SRSF7: variants seen among roughly 807,000 people sequenced by gnomAD.
SRSF7 encodes serine/arginine-rich splicing factor 7.
In SRSF7, 15 loss-of-function variants were observed where a neutral mutation model predicts 42.2. The ratio of observed to expected loss-of-function variants is 0.36; its 90% CI spans 0.24 to 0.55. SRSF7 has a LOEUF of 0.55. Ranked by LOEUF, SRSF7 falls within the 20% of genes least tolerant of loss-of-function variation. The probability of loss-of-function intolerance (pLI) is 0.88; values close to 1 mark genes in which losing one functional copy is unlikely to be tolerated. For synonymous variants in SRSF7, 138 were observed against 107.9 expected (o/e 1.28, Z -1.73); for missense variants, 181 against 305.9 (o/e 0.59, Z 3.04).
Position 38,744,801 on chromosome 2 carries a change from T to A in SRSF7, c.*332A>T. ...TTAACCAACACCTTTCAATTCTGAA[T>A]GTAGGTATGTATGAATAAGGTTAAC... On this transcript the variant is annotated 3_prime_UTR_variant, in exon 8 of 8. Coordinates refer to ENST00000313117, the MANE Select transcript of SRSF7 (RefSeq NM_001031684.3). The A allele has an allele frequency of 4.3e-6, 1 of 230,570 alleles. No individual in the cohort carries two copies. The highest frequency in any genetic ancestry group is 8.5e-6 in the Non-Finnish European group (1 of 118,224). The allele number at this position is 230,570 out of a possible 1,614,324, so 14.3% of individuals were successfully genotyped here.
chr2:38,748,699 G>GT, intron 3 of SRSF7, 46 bp from the exon 4 acceptor site: 1 of 1,562,464 alleles, frequency 6.4e-7, no homozygotes, highest in Non-Finnish European at 8.8e-7. Flanking sequence ...ACAATAACTC[G>GT]TTTTTAAGAG....
In SRSF7 at chr2:38,744,428, G is replaced by A; in HGVS notation, c.*705C>T. The A allele has an allele frequency of 6.6e-6, 1 of 152,488 alleles. No individual in the cohort carries two copies. Among genetic ancestry groups the A allele is most frequent in the African/African-American group, 2.4e-5 (1 of 41,398 alleles). The allele number at this position is 152,488 out of a possible 1,614,324, so 9.4% of individuals were successfully genotyped here. Reference sequence around the variant, plus strand: ...TTGAGAGTAGAACTCCCCATATCTTGGGGAGTCCTAATTAACACTATGCCA... The same window carrying A: ...TTGAGAGTAGAACTCCCCATATCTTAGGGAGTCCTAATTAACACTATGCCA... On this transcript the variant is annotated 3_prime_UTR_variant, in exon 8 of 8. Transcript: ENST00000313117.
In SRSF7 at chr2:38,748,112, A is replaced by G; in HGVS notation, c.507T>C (p.Arg169=). ...TTCTGAGTGAAGCTGATCTTGATCT[A>G]CGAAGAGAGATAGATCTTGATCGTC... is the stretch of plus-strand genomic sequence containing the variant. ...SPRRSRSISL[R]RSRSASLRRS... The change falls in exon 5 of 8, where the codon CGT becomes CGC. Residue 169 remains arginine (R), a synonymous_variant. Coordinates refer to ENST00000313117, the MANE Select transcript of SRSF7 (RefSeq NM_001031684.3). The G allele has an allele frequency of 3.7e-6, 6 of 1,613,980 alleles. No individual in the cohort carries two copies. The African/African-American group carries it at 5.3e-5, about 14-fold the overall frequency.
chr2:38,751,286 G>C lies in SRSF7; in HGVS notation c.-30C>G. On this transcript the variant is annotated 5_prime_UTR_variant, in exon 1 of 8. Transcript: ENST00000313117. ...ACAGACCCGCGTGCTCGGCTCTTTAGCAAGCAGCGCCCAGGGCTCGAGTGA... is the reference window on the plus strand; with the variant it reads ...ACAGACCCGCGTGCTCGGCTCTTTACCAAGCAGCGCCCAGGGCTCGAGTGA... 1.9e-4 allele frequency: 305 copies of C among 1,613,930 alleles called. 2 individuals carry two copies. The South Asian group carries it at 3.2e-3, about 17-fold the overall frequency.
intron 1 of SRSF7, chr2:38,751,009 A>C: frequency 1.8e-6 from 1 of 567,832 alleles, no homozygotes; most frequent in East Asian, 3.1e-5. Flanking sequence ...GGATTGGGCC[A>C]CAAAAATGCC....
At chr2:38,750,925 G>T (rs111962059) in intron 1 of SRSF7, 12 of 383,874 alleles carry the variant, frequency 3.1e-5, no homozygotes, top group African/African-American at 1.9e-4. Context: ...GCCGAGGGCG[G>T]GGGGGGAGGG....
chr2:38,745,277 C>T, intron 7 of SRSF7, 90 bp from the exon 8 acceptor site: 1 of 1,337,928 alleles, frequency 7.5e-7, no homozygotes, highest in East Asian at 2.3e-5. Context: ...TCAAAGGTGG[C>T]CTAAGGTACT....
In SRSF7 at chr2:38,744,922, C is replaced by A; in HGVS notation, c.*211G>T. The A allele has an allele frequency of 4.4e-6, 2 of 458,164 alleles. No individual in the cohort carries two copies. Among genetic ancestry groups the A allele is most frequent in the Non-Finnish European group, 3.8e-6 (1 of 261,412 alleles). 28.4% of individuals were successfully genotyped at this position (458,164 alleles called of 1,614,324 possible). On this transcript the variant is annotated 3_prime_UTR_variant, in exon 8 of 8. Transcript: ENST00000313117. ...GTTAGAAACATTTTATTTAAATGTGCCAAATAAAAACCCACATTTTCAGAC... is the reference window on the plus strand; with the variant it reads ...GTTAGAAACATTTTATTTAAATGTGACAAATAAAAACCCACATTTTCAGAC...
intron 7 of SRSF7, among the ~76,000 whole-genome samples, chr2:38,745,844 TG>T (rs1181318227): frequency 6.6e-6 from 1 of 152,188 alleles, no homozygotes; most frequent in Non-Finnish European, 1.5e-5. Context: ...CTCCACACTT[TG>T]TATCTATTGT....
chr2:38,746,918 A>C, intron 5 of SRSF7, 171 bp from the exon 6 acceptor site: 1 of 1,114,048 alleles, frequency 9.0e-7, no homozygotes, highest in Admixed American at 2.5e-5. Context: ...ACCAGACATA[A>C]GGAACCCCCA....
chr2:38,746,726 T>G lies in SRSF7; in HGVS notation c.594A>C (p.Ser198=). Residue 198 remains serine, a synonymous_variant, in exon 6 of 8, where the codon TCA becomes TCC. Coordinates refer to ENST00000313117, the MANE Select transcript of SRSF7 (RefSeq NM_001031684.3). ...TTGGTCGTGAAATAGACCTGGATCT[T>G]GATCTTGACCTCGACGGGGATCTTA... ...RYFQSPSRSR[S]RSRSISRPRS... 1 of 1,614,018 alleles carries G rather than the reference T, an allele frequency of 6.2e-7. No homozygotes were observed. Among genetic ancestry groups the G allele is most frequent in the Non-Finnish European group, 8.5e-7 (1 of 1,179,952 alleles).
At position 38,743,891 on chromosome 2, in the gene SRSF7, CCAG is replaced by C; in HGVS notation, c.*1239_*1241del. ...TGGACAAGCCTAGGTATCTGCGCAA[CCAG>C]CAGGTTTTTTTTTTTTTGTACCAAG... On this transcript the variant is annotated 3_prime_UTR_variant, in exon 8 of 8. Transcript: ENST00000313117. The C allele has an allele frequency of 3.2e-5, 4 of 125,850 alleles. No homozygotes were observed. Among genetic ancestry groups the C allele is most frequent in the African/African-American group, 6.2e-5 (2 of 32,482 alleles). The allele number at this position is 125,850 out of a possible 1,614,324, so 7.8% of individuals were successfully genotyped here.
chr2:38,750,747 T>G (rs1668202079), intron 1 of SRSF7: 1 of 161,660 alleles, frequency 6.2e-6, no homozygotes, highest in Non-Finnish European at 1.4e-5. Flanking sequence ...ATTCCGCAAT[T>G]TAACCGATTG....
intron 5 of SRSF7, 62 bp downstream of exon 5, chr2:38,747,985 G>C (rs1032588591): frequency 3.3e-6 from 4 of 1,224,220 alleles, no homozygotes; most frequent in Admixed American, 1.9e-5. Context: ...ATGTCCTTAA[G>C]ACACTCTACT....
Position 38,744,862 on chromosome 2 carries a change from A to G in SRSF7, c.*271T>C. 7.8e-6 allele frequency: 3 copies of G among 384,314 alleles called. No homozygotes were observed. The Admixed American group carries it at 1.2e-4, about 16-fold the overall frequency. 23.8% of individuals were successfully genotyped at this position (384,314 alleles called of 1,614,324 possible). ...TCTGACTCTCAAATATATCAAATTA[A>G]GAAGTGTTAATATTGAACACAAATC... On this transcript the variant is annotated 3_prime_UTR_variant, in exon 8 of 8. Transcript: ENST00000313117.
At chr2:38,748,294 G>C (rs1184866940) in intron 4 of SRSF7, 137 bp from the exon 5 acceptor site, 5 of 705,740 alleles carry the variant, frequency 7.1e-6, no homozygotes, top group Non-Finnish European at 9.5e-6. Flanking sequence ...CCAGGAGCTT[G>C]AGACCAGCCT....
chr2:38,748,445 G>C, intron 4 of SRSF7, 134 bp downstream of exon 4: 1 of 877,080 alleles, frequency 1.1e-6, no homozygotes. Flanking sequence ...GTGAGTCGTG[G>C]TTATGCCCCT....
chr2:38,749,490 T>C (rs1667962154), intron 3 of SRSF7, 39 bp downstream of exon 3: 2 of 1,545,304 alleles, frequency 1.3e-6, no homozygotes, highest in Non-Finnish European at 1.7e-6. Context: ...ATTACTTGAT[T>C]AACTAGAATA....
In SRSF7 at chr2:38,751,334, C is replaced by G; in HGVS notation, c.-78G>C. ...TGACGCAAAAGCTGACACACACCTT[C>G]ACCCGCCAAGAGTCCCGGCGGCACT... is the stretch of plus-strand genomic sequence containing the variant. On this transcript the variant is annotated 5_prime_UTR_variant, in exon 1 of 8. Transcript: ENST00000313117. The G allele has an allele frequency of 4.4e-6, 7 of 1,599,454 alleles. No individual in the cohort carries two copies. In the East Asian group the frequency reaches 6.7e-5, roughly 15 times the overall value.
Sources: gnomAD v4.1 joint callset for allele counts (sites outside exome capture counted in the v4.1 genomes callset) on GRCh38, gnomAD v4.1.1 for gene constraint, MANE v1.5 for transcripts, NCBI Gene and HGNC (gene_info 2026-07-23, HGNC 2026-07-21) for gene names.